The following PCDHGA2 variants were observed in gnomAD, a reference collection of about 807,000 sequenced individuals.
PCDHGA2 encodes the protein protocadherin gamma subfamily A, 2, also known as protocadherin gamma-A2.
Under a neutral mutation model 59.2 loss-of-function variants are expected in PCDHGA2, and 40 were observed. That is an observed-to-expected ratio of 0.68 (90% CI 0.52 to 0.88). PCDHGA2 has a LOEUF of 0.88. Ranked by LOEUF, PCDHGA2 falls within the 40% of genes least tolerant of loss-of-function variation. The probability of loss-of-function intolerance (pLI) is 0.00; values close to 1 mark genes in which losing one functional copy is unlikely to be tolerated. For missense variants in PCDHGA2, 1,226 were observed against 1,204.0 expected (o/e 1.02, Z -0.27); for synonymous variants, 560 against 526.0 (o/e 1.06, Z -0.89).
At chr5:141,405,385 A>G in intron 1 of PCDHGA2, 1 of 1,600,058 alleles carries the variant, frequency 6.2e-7, no homozygotes, top group Non-Finnish European at 8.5e-7. Flanking sequence ...CGGTGAGTTC[A>G]TTTTTTTTCT....
At chr5:141,373,954 T>C (rs1439763136) in intron 1 of PCDHGA2, 3 of 850,698 alleles carry the variant, frequency 3.5e-6, no homozygotes, top group East Asian at 5.9e-5. Context: ...GCAGAAATTC[T>C]GACCTGAAAC....
chr5:141,463,018 T>C (rs1318740358), intron 1 of PCDHGA2, among the ~76,000 whole-genome samples: 1 of 152,212 alleles, frequency 6.6e-6, no homozygotes, highest in Admixed American at 6.5e-5. Flanking sequence ...AATTCTGACT[T>C]TTTTGATTAA....
rs144796076 is a variant in PCDHGA2, at chr5:141,394,245, G to A, written c.2424+52850G>A. ...CTCCATCTTTTCCTTGACTGCACACGACCCCGACAGCCAGGAGAATGCCCA... is the reference window on the plus strand; with the variant it reads ...CTCCATCTTTTCCTTGACTGCACACAACCCCGACAGCCAGGAGAATGCCCA... On this transcript the variant is annotated intron_variant, in intron 1 of 3. Transcript: ENST00000394576. The A allele has an allele frequency of 2.5e-3, 4,038 of 1,613,812 alleles. 13 individuals carry two copies. The highest frequency in any genetic ancestry group is 6.1e-3 in the Middle Eastern group (37 of 6,062).
At chr5:141,420,748 C>G (rs2096523185) in intron 1 of PCDHGA2, among the ~76,000 whole-genome samples, 1 of 152,214 alleles carries the variant, frequency 6.6e-6, no homozygotes, top group Non-Finnish European at 1.5e-5. Context: ...TTGGAACCAA[C>G]TACAACCTAC....
chr5:141,356,132 A>G (rs1760120459), intron 1 of PCDHGA2: 1 of 1,613,458 alleles, frequency 6.2e-7, no homozygotes, highest in Non-Finnish European at 8.5e-7. Context: ...GATTATGAGG[A>G]CTCTGGATTC....
At chr5:141,428,018 C>A in intron 1 of PCDHGA2, 12 of 1,604,570 alleles carry the variant, frequency 7.5e-6, no homozygotes, top group Middle Eastern at 1.7e-4. Context: ...TAGTGCCACG[C>A]GCCGCAGAGT....
At chr5:141,376,499 C>G (rs1320027285) in intron 1 of PCDHGA2, 3 of 1,614,146 alleles carry the variant, frequency 1.9e-6, no homozygotes, top group Admixed American at 1.7e-5. Flanking sequence ...AGAACCCAGG[C>G]AACTTCAGGT....
At chr5:141,452,895 A>G (rs527695680) in intron 1 of PCDHGA2, among the ~76,000 whole-genome samples, 16 of 152,312 alleles carry the variant, frequency 1.1e-4, no homozygotes, top group African/African-American at 3.6e-4. Flanking sequence ...TTCCACTTTT[A>G]TTAGTTGGCA....
At chr5:141,355,608 A>G (rs1561509315) in intron 1 of PCDHGA2, 2 of 1,613,982 alleles carry the variant, frequency 1.2e-6, no homozygotes, top group Non-Finnish European at 1.7e-6. Context: ...TTGGGACAGA[A>G]CAGAGGGAAA....
chr5:141,490,903 C>G lies in PCDHGA2; in HGVS notation c.2425-3904C>G. 6.2e-7 allele frequency: 1 copy of G among 1,613,764 alleles called. No homozygotes were observed. The highest frequency in any genetic ancestry group is 1.7e-5 in the Admixed American group (1 of 60,022). On this transcript the variant is annotated intron_variant, in intron 1 of 3. Coordinates refer to ENST00000394576, the MANE Select transcript of PCDHGA2 (RefSeq NM_018915.4). This position sits in a 1 kb window ranked among gnomAD's most constrained non-coding sequence, Gnocchi z 5.4. ...CAACACATCTCTGCATGTGTTTGTC[C>G]TAGACGAGAATGATAATGCCCCAGC... is the stretch of plus-strand genomic sequence containing the variant.
intron 1 of PCDHGA2, among the ~76,000 whole-genome samples, chr5:141,453,518 C>G (rs1347368114): frequency 6.6e-6 from 1 of 152,114 alleles, no homozygotes; most frequent in African/African-American, 2.4e-5. Context: ...CATTCCTCCC[C>G]TATACCTTCT....
At position 141,486,811 on chromosome 5, in the gene PCDHGA2, C is replaced by A. The variant is rs2099635196; in HGVS notation, c.2425-7996C>A. On this transcript the variant is annotated intron_variant, in intron 1 of 3. Coordinates refer to ENST00000394576, the MANE Select transcript of PCDHGA2 (RefSeq NM_018915.4). The surrounding 1 kb of genome is among the most constrained non-coding windows in gnomAD (Gnocchi z 5.0). ...GGGATCGGGGCAACCCACCCCTTAG[C>A]AGCACTGTAACAGTTCGTCTATTTG... The A allele has an allele frequency of 1.2e-6, 2 of 1,614,124 alleles. No homozygotes were observed. The highest frequency in any genetic ancestry group is 2.2e-5 in the East Asian group (1 of 44,900).
intron 1 of PCDHGA2, 73 bp downstream of exon 1, chr5:141,341,468 A>G (rs1757061287): frequency 6.3e-7 from 1 of 1,593,298 alleles, no homozygotes; most frequent in African/African-American, 1.4e-5. Flanking sequence ...TACTATATCT[A>G]TTTTGTTCCC....
chr5:141,504,937 G>A (rs1350441435), intron 2 of PCDHGA2, among the ~76,000 whole-genome samples: 2 of 152,054 alleles, frequency 1.3e-5, no homozygotes, highest in East Asian at 1.9e-4. Context: ...GGTGGGTGGG[G>A]GAATGCACTA....
intron 1 of PCDHGA2, chr5:141,402,898 T>C: frequency 6.6e-7 from 1 of 1,512,304 alleles, no homozygotes; most frequent in Non-Finnish European, 8.8e-7. Context: ...AGAAAGAACC[T>C]GATGAAGCAG....
At chr5:141,404,403 A>G (rs767148207) in intron 1 of PCDHGA2, 2 of 1,613,896 alleles carry the variant, frequency 1.2e-6, no homozygotes, top group East Asian at 4.5e-5. Flanking sequence ...AGCAATGAGA[A>G]TTCTAGAGTT....
At chr5:141,480,046 A>G (rs919527311) in intron 1 of PCDHGA2, among the ~76,000 whole-genome samples, 1 of 152,206 alleles carries the variant, frequency 6.6e-6, no homozygotes, top group Non-Finnish European at 1.5e-5. Context: ...ATATGCAAAA[A>G]GGGAATAATA....
intron 1 of PCDHGA2, chr5:141,414,590 G>A: frequency 6.2e-7 from 1 of 1,613,936 alleles, no homozygotes; most frequent in Non-Finnish European, 8.5e-7. Flanking sequence ...AACGCCAGGG[G>A]TGCCTCCATC....
chr5:141,383,340 T>C (rs1475808617), intron 1 of PCDHGA2: 15 of 1,614,016 alleles, frequency 9.3e-6, no homozygotes, highest in Non-Finnish European at 1.2e-5. Context: ...AGAATACAGC[T>C]CCTGGGGTTC....
Sources: gnomAD v4.1 joint callset for allele counts (sites outside exome capture counted in the v4.1 genomes callset) on GRCh38, gnomAD v4.1.1 for gene constraint, Gnocchi (gnomAD v3.1) non-coding constraint, MANE v1.5 for transcripts, NCBI Gene and HGNC (gene_info 2026-07-23, HGNC 2026-07-21) for gene names.